The following ZNF282 variants were observed in gnomAD, a reference collection of about 807,000 sequenced individuals.
ZNF282 encodes zinc finger protein 282.
Under a neutral mutation model 61.9 loss-of-function variants are expected in ZNF282, and 30 were observed. The ratio of observed to expected loss-of-function variants is 0.48; its 90% CI spans 0.36 to 0.66. The LOEUF is 0.66. ZNF282 is among the 30% of genes least tolerant of loss of function. The pLI is 0.00. For synonymous variants in ZNF282, 396 were observed against 405.0 expected, an observed-to-expected ratio of 0.98 and a Z score of 0.27; for missense variants, 788 against 941.4, an observed-to-expected ratio of 0.84 and a Z score of 2.13.
intron 5 of ZNF282, among the ~76,000 whole-genome samples, chr7:149,211,036 GA>G (rs1473194415): frequency 6.6e-6 from 1 of 152,202 alleles, no homozygotes; most frequent in Non-Finnish European, 1.5e-5. Flanking sequence ...ATGGGTGGGG[GA>G]ACAGGGAGGT....
intron 2 of ZNF282, among the ~76,000 whole-genome samples, chr7:149,203,905 TA>T (rs1795952249): frequency 1.3e-5 from 2 of 152,364 alleles, no homozygotes; most frequent in East Asian, 3.9e-4. Context: ...CCTATTGCTG[TA>T]TAACAGATTA....
chr7:149,202,091 A>G (rs1015169670), intron 2 of ZNF282, among the ~76,000 whole-genome samples: 1 of 150,652 alleles, frequency 6.6e-6, no homozygotes, highest in East Asian at 1.9e-4. Flanking sequence ...CCCTGCCCTT[A>G]CTCGAATTTT....
At chr7:149,210,041 G>A (rs1330869601) in intron 4 of ZNF282, among the ~76,000 whole-genome samples, 3 of 152,192 alleles carry the variant, frequency 2.0e-5, no homozygotes, top group African/African-American at 4.8e-5. Flanking sequence ...CAGTGAGACT[G>A]GCTGTATAAG....
chr7:149,203,658 G>C (rs976292235), intron 2 of ZNF282, among the ~76,000 whole-genome samples: 1 of 152,180 alleles, frequency 6.6e-6, no homozygotes, highest in Non-Finnish European at 1.5e-5. Flanking sequence ...CATGAGGCCT[G>C]CTTGTACTGA....
At chr7:149,206,890 A>G in intron 3 of ZNF282, 68 bp downstream of exon 3, 1 of 1,589,974 alleles carries the variant, frequency 6.3e-7, no homozygotes, top group Non-Finnish European at 8.6e-7. Flanking sequence ...TTATTTGTCC[A>G]CGTTAGCACC....
intron 2 of ZNF282, among the ~76,000 whole-genome samples, chr7:149,206,113 T>C (rs1328943499): frequency 2.6e-5 from 4 of 152,202 alleles, no homozygotes; most frequent in African/African-American, 9.6e-5. Context: ...CGGGCCGCAG[T>C]GGAGCTTCCT....
chr7:149,202,340 C>T lies in ZNF282; in HGVS notation c.585+3588C>T, dbSNP rs143640081. ...TTCTTTTTTTTTTTTGAGACGGAGT[C>T]TTGCTCTATTGCCCAAGCTGGAGTG... On this transcript the variant is annotated intron_variant, in intron 2 of 7. Transcript: ENST00000610704. 9.2e-3 allele frequency among the ~76,000 whole-genome samples: 1,376 copies of T among 149,076 alleles called. 18 individuals carry two copies. The highest frequency in any genetic ancestry group is 9.6e-3 in the Non-Finnish European group (649 of 67,338).
At chr7:149,201,379 C>A (rs1479377884) in intron 2 of ZNF282, among the ~76,000 whole-genome samples, 1 of 152,180 alleles carries the variant, frequency 6.6e-6, no homozygotes, top group Non-Finnish European at 1.5e-5. Flanking sequence ...CCTTGTCCCC[C>A]CACCCATACA....
rs753067217 is a variant in ZNF282, at chr7:149,219,206, ACT to A, written c.1181-4601_1181-4600del. Among the ~76,000 whole-genome samples the A allele has an allele frequency of 2.1e-3, 321 of 151,916 alleles. 3 individuals are homozygous for A. Among genetic ancestry groups the A allele is most frequent in the Non-Finnish European group, 9.9e-4 (67 of 67,950 alleles). ...ATCCTTTGTCATCTCCTTAGCTTAA[ACT>A]CTCTAAGATCCCACCATGAATAACA... On this transcript the variant is annotated intron_variant, in intron 7 of 7. Transcript: ENST00000610704.
At chr7:149,218,119 A>AGAG (rs573104884) in intron 7 of ZNF282, among the ~76,000 whole-genome samples, 2 of 149,942 alleles carry the variant, frequency 1.3e-5, no homozygotes, top group African/African-American at 5.0e-5. Flanking sequence ...AAAAAAAAAA[A>AGAG]AGAGAGAGAG....
intron 2 of ZNF282, among the ~76,000 whole-genome samples, chr7:149,200,575 TCA>T (rs1356919502): frequency 6.6e-6 from 1 of 152,092 alleles, no homozygotes; most frequent in Non-Finnish European, 1.5e-5. Context: ...GCATCCCGTC[TCA>T]CAGTCTTTAT....
intron 2 of ZNF282, among the ~76,000 whole-genome samples, chr7:149,202,132 A>C (rs1476602924): frequency 6.6e-6 from 1 of 151,666 alleles, no homozygotes; most frequent in East Asian, 1.9e-4. Flanking sequence ...TGACATCTTA[A>C]ATATTTAAGA....
At chr7:149,205,400 T>C (rs534379569) in intron 2 of ZNF282, among the ~76,000 whole-genome samples, 2 of 152,176 alleles carry the variant, frequency 1.3e-5, no homozygotes, top group Non-Finnish European at 2.9e-5. Context: ...ATCGCGTCAC[T>C]GCACTCCAGT....
chr7:149,207,740 G>A (rs993962174), intron 4 of ZNF282, among the ~76,000 whole-genome samples: 4 of 152,262 alleles, frequency 2.6e-5, no homozygotes, highest in Non-Finnish European at 4.4e-5. Flanking sequence ...GTGGAGAGAC[G>A]AGGAAGGGCT....
At chr7:149,207,526 GCTT>G in intron 4 of ZNF282, 56 bp downstream of exon 4, 1 of 1,548,176 alleles carries the variant, frequency 6.5e-7, no homozygotes, top group Non-Finnish European at 8.7e-7. Flanking sequence ...AGGACAGCCG[GCTT>G]TCCGCACACT....
intron 2 of ZNF282, among the ~76,000 whole-genome samples, chr7:149,204,989 G>A (rs577471791): frequency 1.3e-5 from 2 of 152,256 alleles, no homozygotes; most frequent in Non-Finnish European, 2.9e-5. Context: ...TTAGCCAGGC[G>A]TGGTGGCACA....
At chr7:149,213,501 C>T (rs1287947132) in intron 6 of ZNF282, among the ~76,000 whole-genome samples, 200 bp from the exon 7 acceptor site, 2 of 152,078 alleles carry the variant, frequency 1.3e-5, no homozygotes, top group Admixed American at 6.6e-5. Context: ...TCCTTCTGGC[C>T]AACTTGAAAT....
At position 149,223,807 on chromosome 7, in the gene ZNF282, C is replaced by T; in HGVS notation, c.1181-5C>T. On this transcript the variant is annotated splice_polypyrimidine_tract_variant and splice_region_variant and intron_variant, in intron 7 of 7. Coordinates refer to ENST00000610704, the MANE Select transcript of ZNF282 (RefSeq NM_003575.4). ...TCAGCATGTCACTTCTTCCTATCTCCCCAGGTGACAGCCTGCTGATGGTGA... is the reference window on the plus strand; with the variant it reads ...TCAGCATGTCACTTCTTCCTATCTCTCCAGGTGACAGCCTGCTGATGGTGA... The T allele has an allele frequency of 6.7e-7, 1 of 1,499,640 alleles. No individual in the cohort carries two copies. Among genetic ancestry groups the T allele is most frequent in the Non-Finnish European group, 8.8e-7 (1 of 1,133,362 alleles). 92.9% of individuals were successfully genotyped at this position (1,499,640 alleles called of 1,614,324 possible). A position where few individuals can be genotyped will look rare whatever the true frequency, so the allele number is the denominator to read the frequency against.
At chr7:149,202,150 CTTTTTTTTTT>C (rs35380773) in intron 2 of ZNF282, among the ~76,000 whole-genome samples, 1 of 126,568 alleles carries the variant, frequency 7.9e-6, no homozygotes, top group African/African-American at 3.0e-5. Context: ...AGATATGCTT[CTTTTTTTTTT>C]TTTTTTTTTT....
Sources: allele counts gnomAD v4.1 joint callset (sites outside exome capture counted in the v4.1 genomes callset), GRCh38; gene constraint gnomAD v4.1.1; transcripts MANE v1.5; gene names NCBI Gene and HGNC (gene_info 2026-07-23, HGNC 2026-07-21).